Variants in PTPRM observed in about 807,000 individuals in gnomAD.
PTPRM encodes protein tyrosine phosphatase receptor type M.
Under a neutral mutation model 186.7 loss-of-function variants are expected in PTPRM, and 47 were observed. The observed-to-expected ratio is 0.25, with a 90% CI of 0.20 to 0.32. The LOEUF (loss-of-function observed/expected upper bound fraction) is 0.32, where lower values mean the gene tolerates loss of function less well. Among genes scored for constraint, PTPRM ranks in the 10% least tolerant of loss-of-function variants. PTPRM has a pLI of 1.00. For missense variants in PTPRM, 1,494 were observed against 1,865.0 expected, an observed-to-expected ratio of 0.80 and a Z score of 3.66; for synonymous variants, 668 against 674.9, an observed-to-expected ratio of 0.99 and a Z score of 0.16.
At chr18:7,910,911 C>G (rs1386706621) in intron 4 of PTPRM, among the ~76,000 whole-genome samples, 1 of 152,266 alleles carries the variant, frequency 6.6e-6, no homozygotes, top group East Asian at 1.9e-4. Flanking sequence ...TTCCTTGCCT[C>G]TAGACCCTAT....
At chr18:8,272,784 T>A (rs2094788386) in intron 19 of PTPRM, among the ~76,000 whole-genome samples, 1 of 152,162 alleles carries the variant, frequency 6.6e-6, no homozygotes, top group Admixed American at 6.5e-5. Context: ...ATTTTTTAGA[T>A]CAAGCTTTTG....
chr18:7,782,576 A>G (rs989560214), intron 2 of PTPRM, among the ~76,000 whole-genome samples: 1 of 152,062 alleles, frequency 6.6e-6, no homozygotes, highest in African/African-American at 2.4e-5. Context: ...CTCTGTACCT[A>G]TTAAACTCTA....
At chr18:7,720,902 C>CT (rs2040433599) in intron 1 of PTPRM, among the ~76,000 whole-genome samples, 1 of 152,062 alleles carries the variant, frequency 6.6e-6, no homozygotes, top group African/African-American at 2.4e-5. Context: ...GTTGCTTCTA[C>CT]TTTTTGGCTG....
chr18:7,811,386 C>T (rs192053087), intron 2 of PTPRM, among the ~76,000 whole-genome samples: 3 of 152,208 alleles, frequency 2.0e-5, no homozygotes, highest in African/African-American at 7.2e-5. Flanking sequence ...GAGATGGAGT[C>T]TTCCTCTGCT....
chr18:7,574,100 C>T (rs926899628), intron 1 of PTPRM, among the ~76,000 whole-genome samples: 1 of 152,102 alleles, frequency 6.6e-6, no homozygotes, highest in African/African-American at 2.4e-5. Flanking sequence ...TTCTGCCTGC[C>T]CTATCAGCCT....
At chr18:7,883,602 TG>T (rs2048615853) in intron 2 of PTPRM, among the ~76,000 whole-genome samples, 1 of 152,124 alleles carries the variant, frequency 6.6e-6, no homozygotes, top group Non-Finnish European at 1.5e-5. Flanking sequence ...GAAACACGAG[TG>T]TGGATAGAAA....
chr18:8,129,637 G>A (rs2145920941), intron 13 of PTPRM, among the ~76,000 whole-genome samples: 2 of 152,220 alleles, frequency 1.3e-5, no homozygotes, highest in East Asian at 3.9e-4. Flanking sequence ...AACACTTTTA[G>A]ATTACTATTA....
chr18:7,603,077 G>C (rs1401911402), intron 1 of PTPRM, among the ~76,000 whole-genome samples: 1 of 151,630 alleles, frequency 6.6e-6, no homozygotes, highest in Admixed American at 6.6e-5. Flanking sequence ...ACAGGTGCCC[G>C]CCACCACGCC....
intron 2 of PTPRM, among the ~76,000 whole-genome samples, chr18:7,848,561 C>T (rs2046710145): frequency 1.3e-5 from 2 of 151,994 alleles, no homozygotes; most frequent in East Asian, 1.9e-4. Flanking sequence ...CACTTGAGCC[C>T]AGGAATTTGA....
chr18:7,908,960 A>G (rs908803281), intron 4 of PTPRM, among the ~76,000 whole-genome samples: 3 of 152,206 alleles, frequency 2.0e-5, no homozygotes, highest in Non-Finnish European at 4.4e-5. Flanking sequence ...TTGCATGCCT[A>G]CTAAGTGCTG....
intron 1 of PTPRM, among the ~76,000 whole-genome samples, chr18:7,763,257 T>G (rs1340405442): frequency 6.6e-6 from 1 of 152,222 alleles, no homozygotes; most frequent in Non-Finnish European, 1.5e-5. Context: ...CCCAGTGAAA[T>G]GTCACACTAA....
chr18:8,289,360 A>G lies in PTPRM; in HGVS notation c.2755-7008A>G, dbSNP rs1340065084. Among the ~76,000 whole-genome samples, 6 of 149,576 alleles carry G rather than the reference A, an allele frequency of 4.0e-5. No individual in the cohort carries two copies. The East Asian group carries it at 5.9e-4, about 15-fold the overall frequency. ...ATATTCTAAAGCTCAGTCAGACATC[A>G]TGGGGACTGTTTATAGGCATGAAAA... On this transcript the variant is annotated intron_variant, in intron 19 of 32. Coordinates refer to ENST00000580170, the MANE Select transcript of PTPRM (RefSeq NM_001105244.2).
intron 7 of PTPRM, among the ~76,000 whole-genome samples, chr18:8,021,313 AAG>A (rs200464518): frequency 0.028 from 3,378 of 119,210 alleles, 47 homozygotes; most frequent in African/African-American, 0.049. Context: ...TTAAGCATAA[AAG>A]AGACACACAC....
intron 1 of PTPRM, among the ~76,000 whole-genome samples, chr18:7,603,576 TTCTC>T (rs952476834): frequency 6.6e-6 from 1 of 152,198 alleles, no homozygotes; most frequent in African/African-American, 2.4e-5. Flanking sequence ...GACTTCCCAT[TTCTC>T]TCTCCTTCTC....
chr18:7,739,750 C>G (rs976848758), intron 1 of PTPRM, among the ~76,000 whole-genome samples: 1 of 152,208 alleles, frequency 6.6e-6, no homozygotes. Flanking sequence ...TTTGCTTCTG[C>G]GGCTCTTGCT....
chr18:8,185,263 T>A (rs2093626920), intron 14 of PTPRM, among the ~76,000 whole-genome samples: 1 of 152,194 alleles, frequency 6.6e-6, no homozygotes. Flanking sequence ...AGGGCTCAGC[T>A]CTCTGTCCTC....
At chr18:8,153,383 T>C (rs2093054279) in intron 14 of PTPRM, among the ~76,000 whole-genome samples, 1 of 152,234 alleles carries the variant, frequency 6.6e-6, no homozygotes, top group African/African-American at 2.4e-5. Flanking sequence ...TTATAAATTA[T>C]GCATTGAAGA....
intron 2 of PTPRM, among the ~76,000 whole-genome samples, chr18:7,823,779 T>C (rs772847902): frequency 6.6e-6 from 1 of 152,134 alleles, no homozygotes; most frequent in African/African-American, 2.4e-5. Flanking sequence ...GCTTTTGAGG[T>C]TTTGGGACTT....
intron 1 of PTPRM, among the ~76,000 whole-genome samples, chr18:7,624,208 C>T (rs1012191190): frequency 3.9e-5 from 6 of 152,312 alleles, no homozygotes; most frequent in African/African-American, 1.4e-4. Context: ...CCAGCAACTG[C>T]TTTTCCCAGC....
Sources: gnomAD v4.1 joint callset for allele counts (sites outside exome capture counted in the v4.1 genomes callset) on GRCh38, gnomAD v4.1.1 for gene constraint, MANE v1.5 for transcripts, NCBI Gene and HGNC (gene_info 2026-07-23, HGNC 2026-07-21) for gene names.